SLC9B1: variants seen among roughly 807,000 people sequenced by gnomAD.
SLC9B1 encodes the protein sodium/hydrogen exchanger 9B1.
Under a neutral mutation model 51.7 loss-of-function variants are expected in SLC9B1, and 32 were observed. The observed-to-expected ratio is 0.62, with a 90% confidence interval of 0.47 to 0.83. The LOEUF is 0.83. SLC9B1 is among the 40% of genes least tolerant of loss of function. SLC9B1 has a pLI of 0.00. For missense variants in SLC9B1, 406 were observed against 613.2 expected (o/e 0.66, Z 3.57); for synonymous variants, 145 against 212.7 (o/e 0.68, Z 2.77).
At chr4:102,902,669 A>T (rs1367353813) in intron 11 of SLC9B1, among the ~76,000 whole-genome samples, 2 of 152,204 alleles carry the variant, frequency 1.3e-5, no homozygotes, top group Non-Finnish European at 2.9e-5. Flanking sequence ...TTATCAATTC[A>T]TTTAATTCTT....
chr4:102,942,794 G>C (rs201775790), intron 6 of SLC9B1, among the ~76,000 whole-genome samples: 1 of 152,056 alleles, frequency 6.6e-6, no homozygotes, highest in Non-Finnish European at 1.5e-5. Flanking sequence ...AAGAACCCAA[G>C]AGCAAAGGCA....
At chr4:102,934,423 A>G (rs915350541) in intron 6 of SLC9B1, among the ~76,000 whole-genome samples, 2 of 152,224 alleles carry the variant, frequency 1.3e-5, no homozygotes, top group Admixed American at 6.5e-5. Context: ...TGGTGTTGAG[A>G]TAACTATTTA....
chr4:102,955,846 A>AAAGG (rs1491461686), intron 3 of SLC9B1, among the ~76,000 whole-genome samples: 3 of 73,392 alleles, frequency 4.1e-5, no homozygotes, highest in African/African-American at 1.6e-4. Context: ...AGAGAGAGAG[A>AAAGG]AAGAAAGAAA....
At chr4:102,955,234 G>T (rs1737724533) in intron 3 of SLC9B1, among the ~76,000 whole-genome samples, 1 of 152,118 alleles carries the variant, frequency 6.6e-6, no homozygotes, top group Non-Finnish European at 1.5e-5. Flanking sequence ...GCTTTATCAG[G>T]GGTTTCTGCT....
At chr4:102,963,732 C>T (rs549416327) in intron 3 of SLC9B1, among the ~76,000 whole-genome samples, 1 of 152,174 alleles carries the variant, frequency 6.6e-6, no homozygotes. Context: ...TTCCCCCAGC[C>T]TATTTTTATA....
chr4:102,999,441 C>T (rs925704718), intron 1 of SLC9B1, among the ~76,000 whole-genome samples: 5 of 152,200 alleles, frequency 3.3e-5, no homozygotes, highest in East Asian at 3.9e-4. Flanking sequence ...TTTTTATAAT[C>T]GTAGTTATTG....
intron 6 of SLC9B1, among the ~76,000 whole-genome samples, chr4:102,937,401 T>A (rs1321327521): frequency 3.4e-5 from 4 of 116,434 alleles, no homozygotes; most frequent in African/African-American, 1.0e-4. Context: ...ATGCCTGGCC[T>A]TCAGCATTCT....
chr4:102,961,578 T>G (rs1365329734), intron 3 of SLC9B1, among the ~76,000 whole-genome samples: 4 of 151,432 alleles, frequency 2.6e-5, no homozygotes, highest in African/African-American at 7.3e-5. Context: ...TATTTGGCTC[T>G]TTTCTTGTAT....
intron 7 of SLC9B1, among the ~76,000 whole-genome samples, chr4:102,925,845 C>A (rs1013836550): frequency 1.3e-5 from 2 of 152,184 alleles, no homozygotes; most frequent in African/African-American, 4.8e-5. Flanking sequence ...CAAAAATCCT[C>A]AATAAAATAC....
At chr4:102,962,034 A>G in intron 3 of SLC9B1, 1 of 310,354 alleles carries the variant, frequency 3.2e-6, no homozygotes, top group South Asian at 2.9e-5. Flanking sequence ...TGGCTCCTCC[A>G]TTGCCTTGCT....
At chr4:102,888,630 A>G (rs1216862365) in intron 11 of SLC9B1, 2 of 152,058 alleles carry the variant, frequency 1.3e-5, no homozygotes, top group East Asian at 3.9e-4. Context: ...TTACATTACT[A>G]CTCTCATAAT....
chr4:102,930,061 C>T (rs1736375934), intron 7 of SLC9B1, among the ~76,000 whole-genome samples: 1 of 152,130 alleles, frequency 6.6e-6, no homozygotes, highest in African/African-American at 2.4e-5. Flanking sequence ...AAAAGGTGAA[C>T]CCACCTAAAA....
intron 3 of SLC9B1, among the ~76,000 whole-genome samples, chr4:102,982,641 G>A (rs1031280345): frequency 6.6e-6 from 1 of 151,944 alleles, no homozygotes; most frequent in Non-Finnish European, 1.5e-5. Context: ...GTTAATTTTT[G>A]TGGTGCTAAT....
chr4:102,888,520 G>T (rs751473599), intron 11 of SLC9B1: 1 of 152,212 alleles, frequency 6.6e-6, no homozygotes, highest in Non-Finnish European at 1.5e-5. Context: ...CGTGTGTAAG[G>T]GTCAACTGTA....
downstream of SLC9B1, among the ~76,000 whole-genome samples, chr4:102,899,650 G>C (rs1307345499): frequency 3.3e-5 from 5 of 152,032 alleles, no homozygotes; most frequent in African/African-American, 9.7e-5. Context: ...CTGACCTCGT[G>C]ATCTGCCCAT....
intron 1 of SLC9B1, among the ~76,000 whole-genome samples, chr4:103,010,244 C>G (rs892238137): frequency 6.8e-6 from 1 of 147,938 alleles, no homozygotes; most frequent in African/African-American, 2.5e-5. Context: ...CAAGGCACCC[C>G]AGCATCTTGA....
At chr4:103,001,999 T>G (rs1740549003) in intron 1 of SLC9B1, among the ~76,000 whole-genome samples, 1 of 152,278 alleles carries the variant, frequency 6.6e-6, no homozygotes, top group East Asian at 1.9e-4. Context: ...GAGAGAGAAG[T>G]GCAAGAAGGG....
At chr4:103,005,372 A>G (rs1560529091) in intron 1 of SLC9B1, among the ~76,000 whole-genome samples, 1 of 152,164 alleles carries the variant, frequency 6.6e-6, no homozygotes, top group Admixed American at 6.5e-5. Context: ...ACATTACATA[A>G]TGGTAAAGGG....
chr4:102,921,697 A>T (rs1398816911), intron 7 of SLC9B1, among the ~76,000 whole-genome samples: 1 of 152,216 alleles, frequency 6.6e-6, no homozygotes, highest in African/African-American at 2.4e-5. Context: ...ATAGGCTCAA[A>T]ATAAAGGGAT....
Sources: gnomAD v4.1 joint callset for allele counts (sites outside exome capture counted in the v4.1 genomes callset) on GRCh38, gnomAD v4.1.1 for gene constraint, MANE v1.5 for transcripts, NCBI Gene and HGNC (gene_info 2026-07-23, HGNC 2026-07-21) for gene names.